Variants in SLC23A2 observed in about 807,000 individuals in gnomAD.
The protein encoded by SLC23A2 is Na(+)/L-ascorbic acid transporter 2.
SLC23A2 carries 36 observed loss-of-function variants against 73.3 expected under a neutral mutation model. The observed-to-expected ratio is 0.49, with a 90% CI of 0.38 to 0.65. The LOEUF (loss-of-function observed/expected upper bound fraction) is 0.65. Ranked by LOEUF, SLC23A2 falls within the 30% of genes least tolerant of loss-of-function variation. The probability of loss-of-function intolerance (pLI) is 0.00; values close to 1 mark genes in which losing one functional copy is unlikely to be tolerated. For missense variants in SLC23A2, 507 were observed against 841.6 expected (o/e 0.60, Z 4.92); for synonymous variants, 343 against 327.3 (o/e 1.05, Z -0.52).
chr20:4,874,787 GTGTTC>G, intron 9 of SLC23A2, 91 bp from the exon 10 acceptor site: 4 of 1,097,152 alleles, frequency 3.6e-6, no homozygotes, highest in Non-Finnish European at 5.2e-6. Flanking sequence ...AATTGACATA[GTGTTC>G]AATTCATTTA....
chr20:4,959,072 A>T (rs2087337796), intron 2 of SLC23A2, among the ~76,000 whole-genome samples: 1 of 151,498 alleles, frequency 6.6e-6, no homozygotes, highest in South Asian at 2.1e-4. Context: ...AAAAAAAATT[A>T]GCTGGGCATG....
chr20:4,892,154 C>T (rs144083189), intron 6 of SLC23A2, among the ~76,000 whole-genome samples: 174 of 152,212 alleles, frequency 1.1e-3, no homozygotes, highest in African/African-American at 3.5e-3. Context: ...GGAGCCCAGC[C>T]GCCTCTGCAT....
In SLC23A2 at chr20:4,899,858, T is replaced by G; in HGVS notation, c.325-146A>C. The G allele has an allele frequency of 1.2e-6, 1 of 801,074 alleles. No homozygotes were observed. Among genetic ancestry groups the G allele is most frequent in the Non-Finnish European group, 1.9e-6 (1 of 513,858 alleles). 49.6% of individuals were successfully genotyped at this position (801,074 alleles called of 1,614,324 possible). A position where few individuals can be genotyped will look rare whatever the true frequency, so the allele number is the denominator to read the frequency against. ...GTTTTTCGACCAAGCCATACTTTTTTCCTTCTTTTTCAGTATTTCTCCTTT... is the reference window on the plus strand; with the variant it reads ...GTTTTTCGACCAAGCCATACTTTTTGCCTTCTTTTTCAGTATTTCTCCTTT... On this transcript the variant is annotated intron_variant, in intron 5 of 16. Coordinates refer to ENST00000338244, the MANE Select transcript of SLC23A2 (RefSeq NM_005116.6). The surrounding 1 kb of genome is among the most constrained non-coding windows in gnomAD (Gnocchi z 4.9).
intron 4 of SLC23A2, among the ~76,000 whole-genome samples, chr20:4,904,757 T>C (rs1194216154): frequency 6.6e-6 from 1 of 152,200 alleles, no homozygotes; most frequent in Non-Finnish European, 1.5e-5. Flanking sequence ...GTACAACCTG[T>C]TATACAGTAA....
intron 2 of SLC23A2, among the ~76,000 whole-genome samples, chr20:4,966,566 G>A (rs1343257165): frequency 6.6e-6 from 1 of 151,998 alleles, no homozygotes; most frequent in Non-Finnish European, 1.5e-5. Context: ...ACTTTATATT[G>A]ATTGTGTTGA....
intron 6 of SLC23A2, among the ~76,000 whole-genome samples, chr20:4,892,264 G>A (rs896752013): frequency 1.3e-5 from 2 of 151,906 alleles, no homozygotes; most frequent in African/African-American, 2.4e-5. Context: ...TCGGCTCACT[G>A]CAACCTCTGC....
chr20:4,859,496 G>A lies in SLC23A2; in HGVS notation c.1625-112C>T, dbSNP rs1022178049. 5 of 746,484 alleles carry A rather than the reference G, an allele frequency of 6.7e-6. No homozygotes were observed. The African/African-American group carries it at 8.7e-5, about 13-fold the overall frequency. The allele number at this position is 746,484 out of a possible 1,614,324, so 46.2% of individuals were successfully genotyped here. A position where few individuals can be genotyped will look rare whatever the true frequency, so the allele number is the denominator to read the frequency against. ...GAACTCCGCCAATCAAAGCAGGAAA[G>A]GAAAGTGTACATTTCTTAGTTGTGC... On this transcript the variant is annotated intron_variant, in intron 15 of 16. Transcript: ENST00000338244.
At chr20:4,905,187 T>C (rs1931896253) in intron 4 of SLC23A2, among the ~76,000 whole-genome samples, 1 of 151,226 alleles carries the variant, frequency 6.6e-6, no homozygotes, top group Admixed American at 6.6e-5. Flanking sequence ...CAGGCGCATG[T>C]ATGCACATGC....
rs1028599288 is a variant in SLC23A2, at chr20:4,852,809, A to G, written c.*4163T>C. On this transcript the variant is annotated 3_prime_UTR_variant, in exon 17 of 17. Coordinates refer to ENST00000338244, the MANE Select transcript of SLC23A2 (RefSeq NM_005116.6). The surrounding 1 kb of genome is among the most constrained non-coding windows in gnomAD (Gnocchi z 4.3). Reference sequence around the variant, plus strand: ...AAGGGTGTCCTAAGTGCCTGGAAACACGCACAGCAATGCTAAGGACATGGG... The same window carrying G: ...AAGGGTGTCCTAAGTGCCTGGAAACGCGCACAGCAATGCTAAGGACATGGG... The G allele has an allele frequency of 6.6e-6, 1 of 152,574 alleles. No individual in the cohort carries two copies. The highest frequency in any genetic ancestry group is 2.4e-5 in the African/African-American group (1 of 41,452). The allele number at this position is 152,574 out of a possible 1,614,324, so 9.5% of individuals were successfully genotyped here. A position where few individuals can be genotyped will look rare whatever the true frequency, so the allele number is the denominator to read the frequency against.
intron 1 of SLC23A2, among the ~76,000 whole-genome samples, chr20:4,971,523 G>A (rs929287401): frequency 6.6e-6 from 1 of 151,166 alleles, no homozygotes; most frequent in Admixed American, 6.6e-5. Context: ...GGCCAGGCAC[G>A]GTGGTTCACA....
At chr20:4,900,111 T>C (rs944823065) in intron 5 of SLC23A2, among the ~76,000 whole-genome samples, 2 of 152,002 alleles carry the variant, frequency 1.3e-5, no homozygotes, top group Non-Finnish European at 1.5e-5. Context: ...GCTCAAGCGA[T>C]CCGCCTGCCT....
chr20:4,987,762 G>A (rs2087855530), intron 1 of SLC23A2, among the ~76,000 whole-genome samples: 1 of 151,448 alleles, frequency 6.6e-6, no homozygotes, highest in African/African-American at 2.4e-5. Context: ...GCAGGAGAAT[G>A]GCGTGAACTC....
chr20:5,006,984 T>C (rs1324484806), intron 1 of SLC23A2, among the ~76,000 whole-genome samples: 2 of 151,302 alleles, frequency 1.3e-5, no homozygotes, highest in Non-Finnish European at 2.9e-5. Context: ...TGTGCGTGCG[T>C]GCGTGTTCAA....
At chr20:4,873,513 T>G (rs1930531339) in intron 11 of SLC23A2, among the ~76,000 whole-genome samples, 1 of 152,192 alleles carries the variant, frequency 6.6e-6, no homozygotes, top group African/African-American at 2.4e-5. Context: ...ATTAAGAGAT[T>G]ATATAAATTC....
At chr20:4,933,175 ATAC>A (rs1932807839) in intron 2 of SLC23A2, among the ~76,000 whole-genome samples, 1 of 152,214 alleles carries the variant, frequency 6.6e-6, no homozygotes, top group African/African-American at 2.4e-5. Flanking sequence ...GAAATTTAAG[ATAC>A]TTGTAGCTTG....
upstream of SLC23A2, among the ~76,000 whole-genome samples, chr20:5,005,945 C>T (rs1397787302): frequency 6.6e-6 from 1 of 151,514 alleles, no homozygotes. Flanking sequence ...GAGATCGCAC[C>T]ATTGTACTCC....
Position 4,902,696 on chromosome 20 carries a change from T to A in SLC23A2, c.208-138A>T. 1.8e-6 allele frequency: 1 copy of A among 546,066 alleles called. No individual in the cohort carries two copies. Among genetic ancestry groups the A allele is most frequent in the Non-Finnish European group, 3.3e-6 (1 of 307,152 alleles). The allele number at this position is 546,066 out of a possible 1,614,324, so 33.8% of individuals were successfully genotyped here. On this transcript the variant is annotated intron_variant, in intron 4 of 16. Transcript: ENST00000338244. The surrounding 1 kb of genome is among the most constrained non-coding windows in gnomAD (Gnocchi z 4.0). ...TTCCTGCAGTTTTGAGCCTTGGCTA[T>A]CTTTGAAGCCAAGTATTCTCTTTGG... is the stretch of plus-strand genomic sequence containing the variant.
chr20:4,894,952 C>T (rs1005593722), intron 6 of SLC23A2, among the ~76,000 whole-genome samples: 3 of 152,228 alleles, frequency 2.0e-5, no homozygotes, highest in African/African-American at 4.8e-5. Context: ...GTAATCTAGA[C>T]ACTTCTGCAC....
At chr20:4,966,809 T>TACACACACACAC (rs56931121) in intron 2 of SLC23A2, among the ~76,000 whole-genome samples, 6 of 109,754 alleles carry the variant, frequency 5.5e-5, no homozygotes, top group African/African-American at 1.5e-4. Context: ...TTGATAGTTT[T>TACACACACACAC]ACACACACAC....
Sources: gnomAD v4.1 joint callset for allele counts (sites outside exome capture counted in the v4.1 genomes callset) on GRCh38, gnomAD v4.1.1 for gene constraint, Gnocchi (gnomAD v3.1) non-coding constraint, MANE v1.5 for transcripts, NCBI Gene and HGNC (gene_info 2026-07-23, HGNC 2026-07-21) for gene names.